SLC25A25: variants seen among roughly 807,000 people sequenced by gnomAD.
SLC25A25 encodes the protein mitochondrial adenyl nucleotide antiporter SLC25A25.
SLC25A25 carries 32 observed loss-of-function variants against 57.7 expected under a neutral mutation model. The ratio of observed to expected loss-of-function variants is 0.55; its 90% CI spans 0.42 to 0.74. The LOEUF (loss-of-function observed/expected upper bound fraction) is 0.74, where lower values mean the gene tolerates loss of function less well. Among genes scored for constraint, SLC25A25 ranks in the 30% least tolerant of loss-of-function variants. SLC25A25 has a pLI of 0.00. For missense variants in SLC25A25, 556 were observed against 701.3 expected, an observed-to-expected ratio of 0.79 and a Z score of 2.34; for synonymous variants, 306 against 291.2, an observed-to-expected ratio of 1.05 and a Z score of -0.52.
At chr9:128,080,134 G>C (rs1195833913) in intron 1 of SLC25A25, among the ~76,000 whole-genome samples, 1 of 151,848 alleles carries the variant, frequency 6.6e-6, no homozygotes, top group Non-Finnish European at 1.5e-5. Context: ...GGGAAGCTGA[G>C]GCAGGTGAAT....
chr9:128,098,689 C>T, intron 1 of SLC25A25: 1 of 1,614,166 alleles, frequency 6.2e-7, no homozygotes. Flanking sequence ...TCTTCATCCC[C>T]TCCCAGGAAT....
intron 1 of SLC25A25, among the ~76,000 whole-genome samples, chr9:128,088,421 C>A (rs1833325962): frequency 6.6e-6 from 1 of 152,146 alleles, no homozygotes; most frequent in Admixed American, 6.5e-5. Context: ...CTGTGCAGCT[C>A]TCTCCTCTCC....
At chr9:128,082,461 T>A (rs1346498954) in intron 1 of SLC25A25, among the ~76,000 whole-genome samples, 5 of 152,100 alleles carry the variant, frequency 3.3e-5, no homozygotes, top group Admixed American at 2.0e-4. Flanking sequence ...AGTTTTTCCG[T>A]TGGCTGATTG....
rs1382558586 is a variant in SLC25A25, at chr9:128,099,709, GGTATCTGTTCAGGCCTC to G, written c.262-1386_262-1370del. On this transcript the variant is annotated intron_variant, in intron 1 of 10. Coordinates refer to ENST00000373069, the MANE Select transcript of SLC25A25 (RefSeq NM_001330988.2). This position sits in a 1 kb window ranked among gnomAD's most constrained non-coding sequence, Gnocchi z 6.8. ...GCCTTTTGATCGCGCCAGGTCATGGGGTATCTGTTCAGGCCTCCCTGCCCCTGACACCTTTGGCAGCT... is the reference window on the plus strand; with the variant it reads ...GCCTTTTGATCGCGCCAGGTCATGGGCCTGCCCCTGACACCTTTGGCAGCT... 6.6e-6 allele frequency among the ~76,000 whole-genome samples: 1 copy of G among 152,150 alleles called. No homozygotes were observed. The highest frequency in any genetic ancestry group is 1.5e-5 in the Non-Finnish European group (1 of 68,016).
chr9:128,087,322 C>T lies in SLC25A25; in HGVS notation c.262-13774C>T, dbSNP rs571351980. On this transcript the variant is annotated intron_variant, in intron 1 of 10. Transcript: ENST00000373069. ...CCCAGTCTGGAGTGCGGTGCAGTGA[C>T]GCAGTCTCGGCTTACTGCAACCTCC... is the stretch of plus-strand genomic sequence containing the variant. Among the ~76,000 whole-genome samples, 85 of 152,170 alleles carry T rather than the reference C, an allele frequency of 5.6e-4. 1 individual carries two copies. Among genetic ancestry groups the T allele is most frequent in the African/African-American group, 1.9e-3 (81 of 41,540 alleles).
At chr9:128,079,809 G>A (rs917271337) in intron 1 of SLC25A25, among the ~76,000 whole-genome samples, 2 of 151,240 alleles carry the variant, frequency 1.3e-5, no homozygotes, top group Non-Finnish European at 2.9e-5. Flanking sequence ...TGGCCAACAT[G>A]GTGAAACCCC....
At chr9:128,087,106 T>C (rs1422893618) in intron 1 of SLC25A25, among the ~76,000 whole-genome samples, 3 of 151,894 alleles carry the variant, frequency 2.0e-5, no homozygotes, top group African/African-American at 7.2e-5. Flanking sequence ...TCCCAGCTAC[T>C]TGGGAGTCTG....
At chr9:128,105,662 G>A (rs1833994853) in intron 6 of SLC25A25, 67 bp from the exon 7 acceptor site, 20 of 1,609,854 alleles carry the variant, frequency 1.2e-5, no homozygotes, top group Middle Eastern at 4.5e-4. Flanking sequence ...GCCAGCAGAG[G>A]CTCTTGGCCG....
At chr9:128,078,503 G>A (rs1275806699) in intron 1 of SLC25A25, among the ~76,000 whole-genome samples, 1 of 152,120 alleles carries the variant, frequency 6.6e-6, no homozygotes, top group Non-Finnish European at 1.5e-5. Context: ...ATCAAAATGA[G>A]CAAAGAAACA....
chr9:128,093,764 A>G (rs1022445699), intron 1 of SLC25A25, among the ~76,000 whole-genome samples: 1 of 152,234 alleles, frequency 6.6e-6, no homozygotes, highest in Non-Finnish European at 1.5e-5. Context: ...AGTGCTCTGA[A>G]GGTGTTTGGG....
intron 1 of SLC25A25, among the ~76,000 whole-genome samples, chr9:128,093,875 C>T (rs764097346): frequency 3.3e-5 from 5 of 152,180 alleles, no homozygotes; most frequent in Non-Finnish European, 4.4e-5. Flanking sequence ...TTAGGCCAGG[C>T]GCAGTGGCTC....
At chr9:128,079,291 C>G (rs1373469834) in intron 1 of SLC25A25, among the ~76,000 whole-genome samples, 2 of 151,956 alleles carry the variant, frequency 1.3e-5, no homozygotes. Context: ...CCATACCTTT[C>G]CTCCTGTCCT....
chr9:128,092,179 A>AACTC, intron 1 of SLC25A25: 1 of 1,493,770 alleles, frequency 6.7e-7, no homozygotes, highest in South Asian at 1.3e-5. Context: ...AGGAAGGGAG[A>AACTC]ACTCACAACG....
chr9:128,068,937 T>A (rs1323403708), intron 1 of SLC25A25, among the ~76,000 whole-genome samples: 1 of 152,168 alleles, frequency 6.6e-6, no homozygotes, highest in Non-Finnish European at 1.5e-5. Flanking sequence ...GATGGGTTCA[T>A]CCATCAGTCC....
rs41307489 is a variant in SLC25A25, at chr9:128,102,256, C to G, written c.513-114C>G. 0.01 allele frequency: 14,566 copies of G among 1,403,196 alleles called. 102 individuals are homozygous for G. Among genetic ancestry groups the G allele is most frequent in the South Asian group, 0.016 (1,291 of 81,648 alleles). 86.9% of individuals were successfully genotyped at this position (1,403,196 alleles called of 1,614,324 possible). A position where few individuals can be genotyped will look rare whatever the true frequency, so the allele number is the denominator to read the frequency against. The stretch of plus-strand genomic sequence containing the variant: ...GCTCTTTCTCCTGGGGGCAGAGGCA[C>G]CTCGTGTGGTTTCTGGGCATCCGAA... On this transcript the variant is annotated intron_variant, in intron 4 of 10. Coordinates refer to ENST00000373069, the MANE Select transcript of SLC25A25 (RefSeq NM_001330988.2). The surrounding 1 kb of genome is among the most constrained non-coding windows in gnomAD (Gnocchi z 4.1).
At chr9:128,084,346 C>T (rs975818494) in intron 1 of SLC25A25, among the ~76,000 whole-genome samples, 3 of 151,832 alleles carry the variant, frequency 2.0e-5, no homozygotes, top group Non-Finnish European at 2.9e-5. Flanking sequence ...CTGCAACCTC[C>T]GCCTCCTGGG....
intron 1 of SLC25A25, chr9:128,092,024 G>A (rs182524252): frequency 1.2e-6 from 2 of 1,613,998 alleles, no homozygotes; most frequent in East Asian, 4.5e-5. Context: ...GGACGGAAGG[G>A]CTGAGGCCAC....
At chr9:128,073,738 CTT>C (rs879805302) in intron 1 of SLC25A25, among the ~76,000 whole-genome samples, 7 of 145,424 alleles carry the variant, frequency 4.8e-5, no homozygotes, top group African/African-American at 5.0e-5. Context: ...AACTAGAATA[CTT>C]TTTTTTTTTT....
intron 1 of SLC25A25, among the ~76,000 whole-genome samples, chr9:128,080,349 CAAAAAAA>C (rs775059465): frequency 9.2e-6 from 1 of 108,662 alleles, no homozygotes; most frequent in Non-Finnish European, 1.9e-5. Flanking sequence ...GACTCCATCC[CAAAAAAA>C]AAAAAAAAAA....
Sources: gnomAD v4.1 joint callset for allele counts (sites outside exome capture counted in the v4.1 genomes callset) on GRCh38, gnomAD v4.1.1 for gene constraint, Gnocchi (gnomAD v3.1) non-coding constraint, MANE v1.5 for transcripts, NCBI Gene and HGNC (gene_info 2026-07-23, HGNC 2026-07-21) for gene names.